ZNF423: variants seen among roughly 807,000 people sequenced by gnomAD.
ZNF423 encodes Ebf-associated zinc finger protein.
Under a neutral mutation model 95.8 loss-of-function variants are expected in ZNF423, and 12 were observed. That is an observed-to-expected ratio of 0.13 (90% CI 0.08 to 0.20). ZNF423 has a LOEUF of 0.20. Among genes scored for constraint, ZNF423 ranks in the 10% least tolerant of loss-of-function variants. ZNF423 has a pLI of 1.00. For synonymous variants in ZNF423, 749 were observed against 711.9 expected, an observed-to-expected ratio of 1.05 and a Z score of -0.83; for missense variants, 1,316 against 1,737.1, an observed-to-expected ratio of 0.76 and a Z score of 4.31.
intron 1 of ZNF423, among the ~76,000 whole-genome samples, chr16:49,814,414 T>C (rs2034804706): frequency 6.6e-6 from 1 of 151,574 alleles, no homozygotes; most frequent in African/African-American, 2.4e-5. Flanking sequence ...GCACCTGCCC[T>C]TTCCAACAAT....
intron 3 of ZNF423, chr16:49,711,969 A>T (rs1429190467): frequency 6.6e-6 from 1 of 152,118 alleles, no homozygotes; most frequent in African/African-American, 2.4e-5. Context: ...TAAATAATTT[A>T]AAAATTAGCC....
intron 1 of ZNF423, among the ~76,000 whole-genome samples, chr16:49,828,744 A>T (rs74927496): frequency 0.022 from 3,379 of 152,118 alleles, 114 homozygotes; most frequent in African/African-American, 0.076. Flanking sequence ...TTGTACATAC[A>T]CTACAGTCCC....
At chr16:49,859,038 T>G (rs1168545028), upstream of ZNF423, among the ~76,000 whole-genome samples, 1 of 151,810 alleles carries the variant, frequency 6.6e-6, no homozygotes, top group African/African-American at 2.4e-5. Context: ...TCTGGGGGGC[T>G]GGAGATTGCG....
chr16:49,682,590 G>A (rs934435238), intron 3 of ZNF423, among the ~76,000 whole-genome samples: 2 of 152,180 alleles, frequency 1.3e-5, no homozygotes, highest in African/African-American at 2.4e-5. Flanking sequence ...ATGGGATGCC[G>A]CCCCGAGTAT....
intron 5 of ZNF423, among the ~76,000 whole-genome samples, chr16:49,620,878 G>A (rs1292480234): frequency 2.6e-5 from 4 of 152,226 alleles, no homozygotes; most frequent in Non-Finnish European, 5.9e-5. Flanking sequence ...CCCCCAGGGT[G>A]AGGTGCCATG....
intron 3 of ZNF423, among the ~76,000 whole-genome samples, chr16:49,650,889 T>A (rs1010969): frequency 0.52 from 78,455 of 151,726 alleles, 21,126 homozygotes; most frequent in South Asian, 0.67. Flanking sequence ...ATGGCTGTCC[T>A]CCCACTGGAC....
intron 5 of ZNF423, among the ~76,000 whole-genome samples, chr16:49,567,463 C>T (rs976521142): frequency 3.3e-5 from 5 of 152,108 alleles, no homozygotes; most frequent in Non-Finnish European, 7.3e-5. Flanking sequence ...TAGAATCAGG[C>T]TAGACAGACC....
At chr16:49,856,420 C>G (rs2035371018), upstream of ZNF423, among the ~76,000 whole-genome samples, 1 of 115,630 alleles carries the variant, frequency 8.6e-6, no homozygotes, top group African/African-American at 3.7e-5. Flanking sequence ...AGCTCAGTAC[C>G]CCCCAGGAAA....
intron 2 of ZNF423, among the ~76,000 whole-genome samples, chr16:49,733,284 C>T (rs1432768664): frequency 1.3e-5 from 2 of 152,172 alleles, no homozygotes; most frequent in African/African-American, 2.4e-5. Context: ...TACACCGACC[C>T]TCCAGATAAT....
At chr16:49,629,324 T>C (rs951634728) in intron 4 of ZNF423, among the ~76,000 whole-genome samples, 2 of 152,222 alleles carry the variant, frequency 1.3e-5, no homozygotes, top group African/African-American at 4.8e-5. Context: ...TTCAACTCCA[T>C]TTATACTTAG....
rs143940334 is a variant in ZNF423, at chr16:49,851,669, C to T, written c.40+4066G>A. 1.2e-3 allele frequency among the ~76,000 whole-genome samples: 188 copies of T among 152,296 alleles called. No individual in the cohort carries two copies. In the Middle Eastern group the frequency reaches 0.017, roughly 14 times the overall value. ...ATTACTTTATGACTGTAAAGTCACC[C>T]GCATTTTGCACCTTTCATTATGAAT... is the stretch of plus-strand genomic sequence containing the variant. On this transcript the variant is annotated intron_variant, in intron 1 of 7. Coordinates refer to ENST00000563137, the MANE Select transcript of ZNF423 (RefSeq NM_001379286.1).
At chr16:49,639,148 C>G (rs564102729) in intron 3 of ZNF423, among the ~76,000 whole-genome samples, 19 of 152,320 alleles carry the variant, frequency 1.2e-4, no homozygotes, top group African/African-American at 4.6e-4. Context: ...TACCCCCCAT[C>G]AGAGGGGAGG....
intron 5 of ZNF423, among the ~76,000 whole-genome samples, chr16:49,593,516 C>A (rs1971084694): frequency 2.2e-5 from 2 of 92,418 alleles, no homozygotes; most frequent in Non-Finnish European, 3.0e-5. Context: ...CCGCCAGAAC[C>A]CTCTCTGAAG....
At chr16:49,507,910 C>A (rs1967710475) in intron 7 of ZNF423, among the ~76,000 whole-genome samples, 1 of 152,184 alleles carries the variant, frequency 6.6e-6, no homozygotes. Context: ...AAGCACATCC[C>A]AGTATCCAAA....
In ZNF423 at chr16:49,491,253, A is replaced by G. The variant is rs746015413; in HGVS notation, c.*22T>C. 6.2e-7 allele frequency: 1 copy of G among 1,614,000 alleles called. No individual in the cohort carries two copies. Among genetic ancestry groups the G allele is most frequent in the Non-Finnish European group, 8.5e-7 (1 of 1,180,018 alleles). ...CGTCTCCGGCAAGCCTTCTGCGGAG[A>G]GGTGTCCTGTTGAGCGATCCCTCAC... is the stretch of plus-strand genomic sequence containing the variant. On this transcript the variant is annotated 3_prime_UTR_variant, in exon 8 of 8. Coordinates refer to ENST00000563137, the MANE Select transcript of ZNF423 (RefSeq NM_001379286.1).
chr16:49,675,768 G>C (rs1226821914), intron 3 of ZNF423, among the ~76,000 whole-genome samples: 1 of 152,158 alleles, frequency 6.6e-6, no homozygotes, highest in Non-Finnish European at 1.5e-5. Flanking sequence ...CTGGCACCGA[G>C]ACTTTGCTCA....
intron 7 of ZNF423, among the ~76,000 whole-genome samples, chr16:49,500,744 GA>G (rs34335955): frequency 0.14 from 19,443 of 142,778 alleles, 1,341 homozygotes; most frequent in East Asian, 0.22. Context: ...CCATCTCTAC[GA>G]AAAAAAAAAA....
At chr16:49,726,767 T>G (rs1055359770) in intron 3 of ZNF423, among the ~76,000 whole-genome samples, 1 of 149,714 alleles carries the variant, frequency 6.7e-6, no homozygotes, top group Non-Finnish European at 1.5e-5. Flanking sequence ...TTAGTCTAAA[T>G]TTAATATTTT....
At chr16:49,783,381 G>A (rs1230819861) in intron 2 of ZNF423, among the ~76,000 whole-genome samples, 2 of 149,984 alleles carry the variant, frequency 1.3e-5, no homozygotes, top group African/African-American at 2.5e-5. Context: ...GCTGGGATGG[G>A]CGGGAAAGAG....
Sources: allele counts gnomAD v4.1 joint callset (sites outside exome capture counted in the v4.1 genomes callset), GRCh38; gene constraint gnomAD v4.1.1; transcripts MANE v1.5; gene names NCBI Gene and HGNC (gene_info 2026-07-23, HGNC 2026-07-21).